CRACDL: variants seen among roughly 807,000 people sequenced by gnomAD.
The protein encoded by CRACDL is CRACD like, also known as CRACD-like protein.
CRACDL carries 26 observed loss-of-function variants against 70.6 expected under a neutral mutation model. The observed-to-expected ratio is 0.37, with a 90% CI of 0.27 to 0.51. CRACDL has a LOEUF of 0.51. Among genes scored for constraint, CRACDL ranks in the 20% least tolerant of loss-of-function variants. The pLI is 0.94. For synonymous variants in CRACDL, 618 were observed against 615.2 expected (o/e 1.00, Z -0.07); for missense variants, 1,283 against 1,376.9 (o/e 0.93, Z 1.08).
intron 1 of CRACDL, among the ~76,000 whole-genome samples, chr2:98,911,846 C>T (rs1304116506): frequency 6.6e-6 from 1 of 152,160 alleles, no homozygotes; most frequent in Non-Finnish European, 1.5e-5. Flanking sequence ...CCAATCTCTG[C>T]TCCGTGTGTG....
At chr2:98,878,091 C>T (rs1473003778) in intron 1 of CRACDL, among the ~76,000 whole-genome samples, 7 of 151,882 alleles carry the variant, frequency 4.6e-5, no homozygotes, top group African/African-American at 1.5e-4. Flanking sequence ...GGAGTACAGG[C>T]GTGCGCCACC....
At chr2:98,795,077 A>ATATATATATATATATTT in intron 9 of CRACDL, among the ~76,000 whole-genome samples, 1 of 58,488 alleles carries the variant, frequency 1.7e-5, no homozygotes, top group Admixed American at 2.2e-4. Flanking sequence ...ATATATATAT[A>ATATATATATATATATTT]TTTTTTTTTT....
intron 2 of CRACDL, among the ~76,000 whole-genome samples, chr2:98,843,248 TG>T (rs1706117325): frequency 6.6e-6 from 1 of 152,212 alleles, no homozygotes; most frequent in Non-Finnish European, 1.5e-5. Context: ...CTGAGTTATT[TG>T]TTTTCTTATT....
chr2:98,913,949 C>T (rs1207507233), intron 1 of CRACDL, among the ~76,000 whole-genome samples: 1 of 152,230 alleles, frequency 6.6e-6, no homozygotes, highest in Admixed American at 6.5e-5. Flanking sequence ...ACGCTTTATG[C>T]GCAGCCCTAG....
intron 6 of CRACDL, among the ~76,000 whole-genome samples, chr2:98,824,311 A>C: frequency 8.0e-6 from 1 of 124,250 alleles, no homozygotes; most frequent in African/African-American, 3.1e-5. Flanking sequence ...AACCTCCAAG[A>C]TACTCTACCA....
chr2:98,900,705 C>T (rs1281621069), intron 1 of CRACDL, among the ~76,000 whole-genome samples: 1 of 152,010 alleles, frequency 6.6e-6, no homozygotes, highest in East Asian at 1.9e-4. Context: ...CTCCTTGGTC[C>T]CAAGAGATGG....
intron 1 of CRACDL, chr2:98,869,089 C>A: frequency 1.5e-6 from 2 of 1,304,212 alleles, no homozygotes; most frequent in Non-Finnish European, 1.0e-6. Flanking sequence ...TGGGGTCAGG[C>A]CTGATGCACT....
intron 1 of CRACDL, among the ~76,000 whole-genome samples, chr2:98,851,309 C>T (rs754251867): frequency 1.3e-4 from 20 of 152,174 alleles, no homozygotes; most frequent in Non-Finnish European, 2.6e-4. Flanking sequence ...GAGAACTGAA[C>T]AGATCACACC....
At chr2:98,832,722 T>C in intron 4 of CRACDL, 140 bp downstream of exon 4, 1 of 1,156,284 alleles carries the variant, frequency 8.6e-7, no homozygotes, top group East Asian at 2.3e-5. Flanking sequence ...TGCAGCTCAT[T>C]TGGTGTGTCC....
At chr2:98,826,708 G>A (rs1575355403) in intron 6 of CRACDL, among the ~76,000 whole-genome samples, 2 of 152,214 alleles carry the variant, frequency 1.3e-5, no homozygotes, top group East Asian at 1.9e-4. Context: ...CAGGGGGAAG[G>A]CAACCAGTAT....
rs61731203 is a variant in CRACDL at position 98,828,648 on chromosome 2, C to G, written c.541-1479G>C. On this transcript the variant is annotated intron_variant, in intron 5 of 9. Coordinates refer to ENST00000397899, the MANE Select transcript of CRACDL (RefSeq NM_207362.3). ...CCTCTTCTTGTTCATGTGAAGGTCT[C>G]TCCTATTTTCCAATAAAAGTGTAAG... 4.5e-3 allele frequency among the ~76,000 whole-genome samples: 680 copies of G among 152,266 alleles called. 1 individual carries two copies. The highest frequency in any genetic ancestry group is 0.015 in the African/African-American group (603 of 41,538).
chr2:98,826,037 C>A (rs1705286902), intron 6 of CRACDL, among the ~76,000 whole-genome samples: 1 of 152,204 alleles, frequency 6.6e-6, no homozygotes, highest in Non-Finnish European at 1.5e-5. Context: ...CACTGTCATT[C>A]TCTGTGGCCA....
intron 1 of CRACDL, among the ~76,000 whole-genome samples, chr2:98,851,416 G>A (rs1221944988): frequency 2.0e-5 from 3 of 152,204 alleles, no homozygotes; most frequent in Non-Finnish European, 4.4e-5. Flanking sequence ...GCTGTAGAGA[G>A]ACCCAGAAAG....
intron 1 of CRACDL, among the ~76,000 whole-genome samples, chr2:98,933,016 G>T (rs1709118780): frequency 6.6e-6 from 1 of 152,206 alleles, no homozygotes; most frequent in African/African-American, 2.4e-5. Context: ...ACTCAGGGAA[G>T]GCCGAGCTCA....
At chr2:98,813,680 C>T (rs919546081) in intron 7 of CRACDL, among the ~76,000 whole-genome samples, 1 of 152,040 alleles carries the variant, frequency 6.6e-6, no homozygotes, top group Non-Finnish European at 1.5e-5. Context: ...TACAGAGAGT[C>T]TATAGTTTTC....
At chr2:98,814,747 T>TA (rs1348177593) in intron 7 of CRACDL, among the ~76,000 whole-genome samples, 1 of 152,172 alleles carries the variant, frequency 6.6e-6, no homozygotes, top group Non-Finnish European at 1.5e-5. Context: ...ACCTGCTACT[T>TA]TTCTTGACTA....
Position 98,822,394 on chromosome 2 carries a change from G to C in CRACDL, c.1879C>G (p.Pro627Ala). The change falls in exon 7 of 10, where the codon CCT (proline) becomes GCT (alanine). Residue 627 changes from proline (P) to alanine (A), a missense_variant. Pro to Ala is a conservative substitution (Grantham distance 27). Coordinates refer to ENST00000397899, the MANE Select transcript of CRACDL (RefSeq NM_207362.3). The surrounding 1 kb of genome is among the most constrained non-coding windows in gnomAD (Gnocchi z 4.9). Reference protein sequence around the residue: ...QGLPEPQHAKPGPRKLAERGP... With the variant: ...QGLPEPQHAKAGPRKLAERGP... ...CGCTCCGCCAGCTTCCGAGGGCCAG[G>C]TTTCGCGTGCTGGGGCTCGGGGAGA... 2 of 1,481,368 alleles carry C rather than the reference G, an allele frequency of 1.4e-6. No individual in the cohort carries two copies. Among genetic ancestry groups the C allele is most frequent in the South Asian group, 1.3e-5 (1 of 78,368 alleles). The allele number at this position is 1,481,368 out of a possible 1,614,324, so 91.8% of individuals were successfully genotyped here. A position where few individuals can be genotyped will look rare whatever the true frequency, so the allele number is the denominator to read the frequency against.
chr2:98,802,431 A>G (rs1398455623), intron 7 of CRACDL, among the ~76,000 whole-genome samples: 1 of 152,226 alleles, frequency 6.6e-6, no homozygotes, highest in Non-Finnish European at 1.5e-5. Context: ...CTCCTGTAGG[A>G]GAGGATGACA....
At chr2:98,843,868 A>C (rs1462860555) in intron 2 of CRACDL, among the ~76,000 whole-genome samples, 1 of 152,118 alleles carries the variant, frequency 6.6e-6, no homozygotes, top group Non-Finnish European at 1.5e-5. Context: ...ATACATTTTC[A>C]AGTCAGCTTG....
Sources: allele counts gnomAD v4.1 joint callset (sites outside exome capture counted in the v4.1 genomes callset), GRCh38; gene constraint gnomAD v4.1.1; non-coding constraint Gnocchi (gnomAD v3.1); transcripts MANE v1.5; gene names NCBI Gene and HGNC (gene_info 2026-07-23, HGNC 2026-07-21).